The following TRAPPC12 variants were observed in gnomAD, a reference collection of about 807,000 sequenced individuals.
The protein encoded by TRAPPC12 is trafficking protein particle complex subunit 12, also known as TPR repeat protein 15.
TRAPPC12 carries 61 observed loss-of-function variants against 69.2 expected under a neutral mutation model. That is an observed-to-expected ratio of 0.88 (90% CI 0.72 to 1.09). The LOEUF (loss-of-function observed/expected upper bound fraction) is 1.09. Ranked by LOEUF, TRAPPC12 falls within the 50% of genes least tolerant of loss-of-function variation. The pLI, the probability that TRAPPC12 is intolerant of heterozygous loss-of-function variation, is 0.00. For synonymous variants in TRAPPC12, 469 were observed against 438.9 expected, an observed-to-expected ratio of 1.07 and a Z score of -0.86; for missense variants, 1,101 against 1,016.4, an observed-to-expected ratio of 1.08 and a Z score of -1.13.
chr2:3,384,748 C>T (rs1418401245), intron 1 of TRAPPC12, among the ~76,000 whole-genome samples: 2 of 152,148 alleles, frequency 1.3e-5, no homozygotes, highest in East Asian at 3.8e-4. Context: ...AAATTTTGGT[C>T]TCAAGGTTAT....
intron 3 of TRAPPC12, among the ~76,000 whole-genome samples, chr2:3,409,560 G>C (rs1387302093): frequency 6.6e-6 from 1 of 151,916 alleles, no homozygotes; most frequent in East Asian, 1.9e-4. Flanking sequence ...ATCAGCCCGA[G>C]CAATATAGTG....
chr2:3,453,169 GA>G (rs2103122828), intron 6 of TRAPPC12, among the ~76,000 whole-genome samples: 2 of 152,272 alleles, frequency 1.3e-5, no homozygotes, highest in South Asian at 4.1e-4. Flanking sequence ...TTATTTTTGT[GA>G]AATCAAACAG....
chr2:3,469,058 G>A (rs901886589), intron 9 of TRAPPC12, among the ~76,000 whole-genome samples: 4 of 152,232 alleles, frequency 2.6e-5, no homozygotes, highest in South Asian at 2.1e-4. Flanking sequence ...GCTCTGTTCC[G>A]AAGGGACGTA....
Position 3,414,343 on chromosome 2 carries a change from G to A in TRAPPC12, c.1165-7538G>A, listed in dbSNP as rs1020380182. On this transcript the variant is annotated intron_variant, in intron 3 of 11. Coordinates refer to ENST00000324266, the MANE Select transcript of TRAPPC12 (RefSeq NM_016030.6). This position sits in a 1 kb window ranked among gnomAD's most constrained non-coding sequence, Gnocchi z 4.9. ...ATCTCAGAAGAAATCTCACTTCGTC[G>A]TGTGATCCAGATAAGCATGGCAGTG... is the stretch of plus-strand genomic sequence containing the variant. 2.0e-5 allele frequency among the ~76,000 whole-genome samples: 3 copies of A among 152,090 alleles called. No homozygotes were observed. The highest frequency in any genetic ancestry group is 2.1e-4 in the South Asian group (1 of 4,830).
intron 5 of TRAPPC12, among the ~76,000 whole-genome samples, chr2:3,430,028 C>T (rs1349477271): frequency 6.6e-6 from 1 of 152,184 alleles, no homozygotes; most frequent in African/African-American, 2.4e-5. Flanking sequence ...CACACATATA[C>T]ATACACACAG....
At chr2:3,388,828 T>G in intron 2 of TRAPPC12, 158 bp downstream of exon 2, 1 of 715,060 alleles carries the variant, frequency 1.4e-6, no homozygotes, top group Middle Eastern at 2.4e-4. Flanking sequence ...CCTGGGTAAT[T>G]AGGGATCTGT....
At chr2:3,447,102 CTT>C (rs56069735) in intron 6 of TRAPPC12, among the ~76,000 whole-genome samples, 7,827 of 148,032 alleles carry the variant, frequency 0.053, 686 homozygotes, top group African/African-American at 0.18. Context: ...CCTCAGGAAG[CTT>C]TTTTTTTTTT....
chr2:3,458,339 C>G (rs1665293386), intron 7 of TRAPPC12: 1 of 986,164 alleles, frequency 1.0e-6, no homozygotes, highest in Middle Eastern at 5.2e-4. Context: ...AGCCTCACTC[C>G]CTCACTCCTT....
intron 9 of TRAPPC12, among the ~76,000 whole-genome samples, chr2:3,469,568 C>T (rs186123969): frequency 5.4e-4 from 82 of 152,350 alleles, no homozygotes; most frequent in Admixed American, 9.1e-4. Context: ...TAGCACGTCA[C>T]AGGCCCCTCC....
At chr2:3,406,549 G>T (rs905103802) in intron 3 of TRAPPC12, among the ~76,000 whole-genome samples, 3 of 152,236 alleles carry the variant, frequency 2.0e-5, no homozygotes, top group African/African-American at 7.2e-5. Flanking sequence ...GGAGAGGAGA[G>T]AGATGGAGAT....
At chr2:3,478,589 G>A (rs367983282) in intron 10 of TRAPPC12, 1 of 348,940 alleles carries the variant, frequency 2.9e-6, no homozygotes, top group Non-Finnish European at 5.2e-6. Context: ...AGCCGAGATC[G>A]TGCCACTGCA....
intron 2 of TRAPPC12, among the ~76,000 whole-genome samples, chr2:3,398,366 G>A (rs1053967757): frequency 3.9e-5 from 6 of 152,172 alleles, no homozygotes; most frequent in African/African-American, 1.4e-4. Context: ...ACATCCTTGA[G>A]TTTGGGTTTG....
rs1486233287 is a variant in TRAPPC12 at position 3,422,006 on chromosome 2, T to A, written c.1278+12T>A. The A allele has an allele frequency of 6.3e-7, 1 of 1,599,148 alleles. No homozygotes were observed. Among genetic ancestry groups the A allele is most frequent in the South Asian group, 1.1e-5 (1 of 89,168 alleles). On this transcript the variant is annotated intron_variant, in intron 4 of 11. Transcript: ENST00000324266. ...CAGATTCACTGCAGGTGAGAACACC[T>A]TTCAGGTGCTGGAGTTTAACCTGGC...
chr2:3,450,979 C>T (rs1664820128), intron 6 of TRAPPC12, among the ~76,000 whole-genome samples: 1 of 152,276 alleles, frequency 6.6e-6, no homozygotes, highest in South Asian at 2.1e-4. Context: ...AGTGACCCAG[C>T]CAGAAAACCT....
At chr2:3,435,086 C>A (rs945554187) in intron 5 of TRAPPC12, among the ~76,000 whole-genome samples, 1 of 152,188 alleles carries the variant, frequency 6.6e-6, no homozygotes, top group Non-Finnish European at 1.5e-5. Context: ...GATCTCGGCT[C>A]ACTGCAATGT....
chr2:3,385,671 G>C (rs1325634657), intron 1 of TRAPPC12, among the ~76,000 whole-genome samples: 1 of 152,226 alleles, frequency 6.6e-6, no homozygotes, highest in Non-Finnish European at 1.5e-5. Context: ...TTAGAACCTA[G>C]AATTTTGTTA....
chr2:3,457,974 T>C (rs1665258566), intron 7 of TRAPPC12: 2 of 1,304,088 alleles, frequency 1.5e-6, no homozygotes, highest in Non-Finnish European at 1.9e-6. Flanking sequence ...CGCTGAGTGG[T>C]CTGAGTGGGC....
intron 4 of TRAPPC12, 34 bp from the exon 5 acceptor site, chr2:3,424,491 A>G (rs771351637): frequency 1.9e-6 from 3 of 1,606,438 alleles, no homozygotes; most frequent in African/African-American, 2.7e-5. Flanking sequence ...ATATATGTAG[A>G]TAACCTATTG....
chr2:3,447,294 C>T (rs1194278264), intron 6 of TRAPPC12, among the ~76,000 whole-genome samples: 3 of 152,186 alleles, frequency 2.0e-5, no homozygotes, highest in Admixed American at 2.0e-4. Flanking sequence ...GACAGGGCTT[C>T]ACCATGGTGG....
Sources: allele counts gnomAD v4.1 joint callset (sites outside exome capture counted in the v4.1 genomes callset), GRCh38; gene constraint gnomAD v4.1.1; non-coding constraint Gnocchi (gnomAD v3.1); transcripts MANE v1.5; gene names NCBI Gene and HGNC (gene_info 2026-07-23, HGNC 2026-07-21).